NFKBIL1: variants seen among roughly 807,000 people sequenced by gnomAD.
The protein encoded by NFKBIL1 is NF-kappa-B inhibitor-like protein 1.
NFKBIL1 carries 30 observed loss-of-function variants against 45.4 expected under a neutral mutation model. That is an observed-to-expected ratio of 0.66 (90% confidence interval 0.49 to 0.90). The LOEUF is 0.90. Ranked by LOEUF, NFKBIL1 falls within the 40% of genes least tolerant of loss-of-function variation. The pLI, the probability that NFKBIL1 is intolerant of heterozygous loss-of-function variation, is 0.00. For missense variants in NFKBIL1, 434 were observed against 513.4 expected, an observed-to-expected ratio of 0.85 and a Z score of 1.49; for synonymous variants, 179 against 197.3, an observed-to-expected ratio of 0.91 and a Z score of 0.78.
rs540186884 is a variant in NFKBIL1 at position 31,555,579 on chromosome 6, C to T, written c.335-2049C>T. On this transcript the variant is annotated intron_variant, in intron 2 of 3. Coordinates refer to ENST00000376148, the MANE Select transcript of NFKBIL1 (RefSeq NM_005007.4). ...ATAGGATTTGGTCTCTTGTTTTAGA[C>T]AGTTATTATCTGATCCTCTCTCTCT... 2.4e-4 allele frequency among the ~76,000 whole-genome samples: 33 copies of T among 138,356 alleles called. No homozygotes were observed. In the South Asian group the frequency reaches 7.1e-3, roughly 30 times the overall value. 90.8% of individuals were successfully genotyped at this position (138,356 alleles called of 152,430 possible). A position where few individuals can be genotyped will look rare whatever the true frequency, so the allele number is the denominator to read the frequency against.
intron 2 of NFKBIL1, among the ~76,000 whole-genome samples, chr6:31,552,696 T>C (rs1769498643): frequency 7.2e-6 from 1 of 138,862 alleles, no homozygotes. Flanking sequence ...TTTTTTTTTT[T>C]TTTTTTTTTT....
chr6:31,558,093 G>A lies in NFKBIL1; in HGVS notation c.628G>A (p.Ala210Thr), dbSNP rs1390436209. ...GTCAGATCGCCTGGCCCGGGAACAT[G>A]CCCAGAAGTGCCAGCAGCAGCAGCG... Reference protein sequence around the residue: ...AWSDRLAREHAQKCQQQQREA... With the variant: ...AWSDRLAREHTQKCQQQQREA... Residue 210 changes from alanine (A) to threonine (T), a missense_variant, in exon 4 of 4, where the codon GCC becomes ACC. Physicochemically the swap from Ala to Thr is moderately conservative, Grantham distance 58. This residue lies in a region of NFKBIL1 where 23 missense variants were observed against 46.9 expected (regional missense o/e 0.49). Transcript: ENST00000376148. The surrounding 1 kb of genome is among the most constrained non-coding windows in gnomAD (Gnocchi z 7.2). 2 of 1,612,300 alleles carry A rather than the reference G, an allele frequency of 1.2e-6. No individual in the cohort carries two copies. The highest frequency in any genetic ancestry group is 1.7e-6 in the Non-Finnish European group (2 of 1,179,856).
intron 2 of NFKBIL1, among the ~76,000 whole-genome samples, chr6:31,554,682 G>A (rs931631166): frequency 6.6e-6 from 1 of 152,168 alleles, no homozygotes; most frequent in Non-Finnish European, 1.5e-5. Flanking sequence ...GGAAGACATA[G>A]GCACACTTGT....
At position 31,557,633 on chromosome 6, in the gene NFKBIL1, A is replaced by G; in HGVS notation, c.340A>G (p.Thr114Ala). 1 of 1,526,980 alleles carries G rather than the reference A, an allele frequency of 6.5e-7. No homozygotes were observed. 94.6% of individuals were successfully genotyped at this position (1,526,980 alleles called of 1,614,324 possible). Reference sequence around the variant, plus strand: ...CCCTGCTCTCCCACCAACAGCCTACACCGATTTCTTCCTCCCGCTGCTAAG... The same window carrying G: ...CCCTGCTCTCCCACCAACAGCCTACGCCGATTTCTTCCTCCCGCTGCTAAG... Reference protein sequence around the residue: ...AAARQGPDAYTDFFLPLLSRC... With the variant: ...AAARQGPDAYADFFLPLLSRC... The change falls in exon 3 of 4, where the codon ACC becomes GCC. Residue 114 changes from threonine to alanine, a missense_variant. Physicochemically the swap from Thr to Ala is moderately conservative, Grantham distance 58. Transcript: ENST00000376148. The surrounding 1 kb of genome is among the most constrained non-coding windows in gnomAD (Gnocchi z 5.4).
intron 2 of NFKBIL1, among the ~76,000 whole-genome samples, chr6:31,555,609 C>CTTTTTTTTT (rs772749122): frequency 6.9e-5 from 5 of 72,280 alleles, no homozygotes; most frequent in African/African-American, 1.6e-4. Flanking sequence ...CTCTCTCTCT[C>CTTTTTTTTT]TTTTTTTTTT....
At chr6:31,556,423 A>G (rs1769743566) in intron 2 of NFKBIL1, among the ~76,000 whole-genome samples, 1 of 152,218 alleles carries the variant, frequency 6.6e-6, no homozygotes, top group South Asian at 2.1e-4. Context: ...CCCCGGGGAA[A>G]GAAAGTAGGT....
intron 2 of NFKBIL1, among the ~76,000 whole-genome samples, chr6:31,556,148 G>GA (rs1048646465): frequency 1.3e-5 from 2 of 151,832 alleles, no homozygotes; most frequent in African/African-American, 4.8e-5. Flanking sequence ...ACAAGCGAAT[G>GA]AGAGACAGGA....
At chr6:31,548,089 G>A in intron 1 of NFKBIL1, 74 bp from the exon 2 acceptor site, 2 of 1,586,718 alleles carry the variant, frequency 1.3e-6, no homozygotes, top group Non-Finnish European at 1.7e-6. Context: ...AGAAACAACA[G>A]GGGATGTCAG....
intron 2 of NFKBIL1, among the ~76,000 whole-genome samples, chr6:31,550,011 C>T (rs933898118): frequency 1.2e-4 from 18 of 152,026 alleles, no homozygotes; most frequent in African/African-American, 4.1e-4. Flanking sequence ...ACCAGCCTGA[C>T]CAACATAGTG....
chr6:31,549,124 T>G (rs1769288361), intron 2 of NFKBIL1, among the ~76,000 whole-genome samples: 1 of 152,220 alleles, frequency 6.6e-6, no homozygotes, highest in Non-Finnish European at 1.5e-5. Flanking sequence ...GTGCCCATGT[T>G]CAGAGTACCC....
chr6:31,552,586 CA>C (rs1769489366), intron 2 of NFKBIL1, among the ~76,000 whole-genome samples: 1 of 151,576 alleles, frequency 6.6e-6, no homozygotes, highest in Admixed American at 6.6e-5. Context: ...AGCGCCTGGC[CA>C]AAATGTTTTT....
Position 31,558,226 on chromosome 6 carries a change from A to T in NFKBIL1, c.761A>T (p.Glu254Val). Residue 254 changes from glutamate (E) to valine (V), a missense_variant, in exon 4 of 4, where the codon GAG becomes GTG. Around this residue, in one of 4 missense-constraint regions of NFKBIL1, gnomAD observed 128 missense variants for 106.5 expected, o/e 1.20. Coordinates refer to ENST00000376148, the MANE Select transcript of NFKBIL1 (RefSeq NM_005007.4). This position sits in a 1 kb window ranked among gnomAD's most constrained non-coding sequence, Gnocchi z 7.2. ...TTCAGGGAGCGAGCCCGGGCCAAGG[A>T]GGAAGAGCTGCGTGAGAGCCGAGCC... is the stretch of plus-strand genomic sequence containing the variant. Reference protein sequence around the residue: ...RLFRERARAKEEELRESRARR... With the variant: ...RLFRERARAKVEELRESRARR... 6.3e-7 allele frequency: 1 copy of T among 1,596,760 alleles called. No individual in the cohort carries two copies. Among genetic ancestry groups the T allele is most frequent in the East Asian group, 2.3e-5 (1 of 44,424 alleles).
chr6:31,552,287 G>A (rs1769471278), intron 2 of NFKBIL1, among the ~76,000 whole-genome samples: 1 of 126,434 alleles, frequency 7.9e-6, no homozygotes, highest in Non-Finnish European at 1.7e-5. Flanking sequence ...GTTTTGTTTT[G>A]TTTGAAAAGG....
intron 2 of NFKBIL1, among the ~76,000 whole-genome samples, chr6:31,552,721 G>A (rs537578434): frequency 3.1e-5 from 4 of 129,648 alleles, no homozygotes; most frequent in African/African-American, 5.7e-5. Context: ...TTGGCGAAGT[G>A]GGGGATGGAG....
chr6:31,552,089 G>A (rs937921989), intron 2 of NFKBIL1, among the ~76,000 whole-genome samples: 2 of 152,056 alleles, frequency 1.3e-5, no homozygotes, highest in African/African-American at 2.4e-5. Flanking sequence ...GAGCCACCAT[G>A]CCCGACCTAA....
Position 31,558,149 on chromosome 6 carries a change from T to C in NFKBIL1, c.684T>C (p.Arg228=), listed in dbSNP as rs750358314. The C allele has an allele frequency of 2.5e-6, 4 of 1,611,652 alleles. No individual in the cohort carries two copies. Among genetic ancestry groups the C allele is most frequent in the Non-Finnish European group, 3.4e-6 (4 of 1,179,536 alleles). ...REAEGSRRPP[R]AEGSSQSWRQ... is the part of the protein sequence containing the mutation. The stretch of plus-strand genomic sequence containing the variant: ...CAGAGGGATCCCGTCGACCCCCACG[T>C]GCTGAGGGCTCCAGCCAGAGCTGGC... Residue 228 remains arginine, a synonymous_variant, in exon 4 of 4, where the codon CGT becomes CGC. Coordinates refer to ENST00000376148, the MANE Select transcript of NFKBIL1 (RefSeq NM_005007.4). The surrounding 1 kb of genome is among the most constrained non-coding windows in gnomAD (Gnocchi z 7.2).
intron 1 of NFKBIL1, 23 bp from the exon 2 acceptor site, chr6:31,548,140 T>G: frequency 6.2e-7 from 1 of 1,613,126 alleles, no homozygotes; most frequent in Non-Finnish European, 8.5e-7. Flanking sequence ...AAGTCCTGAC[T>G]GCTGCCTTTT....
At position 31,558,240 on chromosome 6, in the gene NFKBIL1, G is replaced by C; in HGVS notation, c.775G>C (p.Glu259Gln). 6.3e-7 allele frequency: 1 copy of C among 1,594,128 alleles called. No individual in the cohort carries two copies. The highest frequency in any genetic ancestry group is 8.5e-7 in the Non-Finnish European group (1 of 1,170,972). Residue 259 changes from glutamate (E) to glutamine (Q), a missense_variant, in exon 4 of 4, where the codon GAG becomes CAG. Transcript: ENST00000376148. The surrounding 1 kb of genome is among the most constrained non-coding windows in gnomAD (Gnocchi z 7.2). ...CCGGGCCAAGGAGGAAGAGCTGCGT[G>C]AGAGCCGAGCCAGGAGGGCGCAGGA... ...RARAKEEELR[E>Q]SRARRAQEAL...
In NFKBIL1 at chr6:31,548,180, C is replaced by CTGG; in HGVS notation, c.76_77insGGT (p.Ala25_Ser26insTrp). The CTGG allele has an allele frequency of 6.2e-7, 1 of 1,613,148 alleles. No individual in the cohort carries two copies. Among genetic ancestry groups the CTGG allele is most frequent in the Non-Finnish European group, 8.5e-7 (1 of 1,180,048 alleles). On this transcript the variant is annotated inframe_insertion, in exon 2 of 4. Transcript: ENST00000376148. ...TTCCCCAGCCCAAGAGTTCCATGGC[C>CTGG]TCCACTTCCCGCCGCCAACGCCGAG...
Sources: allele counts gnomAD v4.1 joint callset (sites outside exome capture counted in the v4.1 genomes callset), GRCh38; gene constraint gnomAD v4.1.1; regional missense constraint gnomAD v4.1.1; non-coding constraint Gnocchi (gnomAD v3.1); transcripts MANE v1.5; gene names NCBI Gene and HGNC (gene_info 2026-07-23, HGNC 2026-07-21).